Variants in SGIP1 observed in about 807,000 individuals in gnomAD.
SGIP1 encodes SH3-containing GRB2-like protein 3-interacting protein 1.
In SGIP1, 38 loss-of-function variants were observed where a neutral mutation model predicts 107.5. The observed-to-expected ratio is 0.35, with a 90% CI of 0.27 to 0.46. The LOEUF (loss-of-function observed/expected upper bound fraction) is 0.46. Ranked by LOEUF, SGIP1 falls within the 20% of genes least tolerant of loss-of-function variation. The pLI, the probability that SGIP1 is intolerant of heterozygous loss-of-function variation, is 1.00. For missense variants in SGIP1, 929 were observed against 1,019.5 expected (o/e 0.91, Z 1.21); for synonymous variants, 365 against 366.1 (o/e 1.00, Z 0.03).
intron 7 of SGIP1, among the ~76,000 whole-genome samples, chr1:66,658,277 G>A (rs1220423996): frequency 6.6e-6 from 1 of 152,154 alleles, no homozygotes; most frequent in African/African-American, 2.4e-5. Context: ...ATTAGTTTTT[G>A]CTCTAGGAGA....
intron 24 of SGIP1, among the ~76,000 whole-genome samples, chr1:66,742,538 C>G (rs763856421): frequency 1.6e-5 from 2 of 127,042 alleles, no homozygotes; most frequent in African/African-American, 6.2e-5. Flanking sequence ...GGCGCTATCC[C>G]GGCTCACTGC....
At position 66,682,314 on chromosome 1, in the gene SGIP1, G is replaced by T; in HGVS notation, c.1260G>T (p.Arg420Ser). Residue 420 changes from arginine (R) to serine (S), a missense_variant, in exon 15 of 25, where the codon AGG (arginine) becomes AGT (serine). Transcript: ENST00000371037. ...CTCCCCCACCACCACCCACCTACAG[G>T]ACTGTGGTTTCGTCCCCCGGACCTG... Reference protein sequence around the residue: ...TPPPPPPPTYRTVVSSPGPGS... With the variant: ...TPPPPPPPTYSTVVSSPGPGS... 1.2e-6 allele frequency: 2 copies of T among 1,614,186 alleles called. No homozygotes were observed. The highest frequency in any genetic ancestry group is 2.2e-5 in the East Asian group (1 of 44,870).
chr1:66,660,829 C>A (rs1344305235), intron 8 of SGIP1, among the ~76,000 whole-genome samples: 1 of 152,146 alleles, frequency 6.6e-6, no homozygotes, highest in South Asian at 2.1e-4. Context: ...ATTGCAGTTT[C>A]CACTGGAATT....
rs139654676 is a variant in SGIP1 at position 66,719,039 on chromosome 1, C to A, written c.1631-255C>A. Among the ~76,000 whole-genome samples the A allele has an allele frequency of 3.2e-4, 49 of 152,134 alleles. No homozygotes were observed. The East Asian group carries it at 9.5e-3, about 29-fold the overall frequency. ...ATTTGAAAACCCCTGTGACTTTGTTCTGCTTGGATTTTCTTCTCTGTAGCA... is the reference window on the plus strand; with the variant it reads ...ATTTGAAAACCCCTGTGACTTTGTTATGCTTGGATTTTCTTCTCTGTAGCA... On this transcript the variant is annotated intron_variant, in intron 18 of 24. Transcript: ENST00000371037.
At chr1:66,692,402 G>A (rs1269448164) in intron 17 of SGIP1, among the ~76,000 whole-genome samples, 2 of 152,104 alleles carry the variant, frequency 1.3e-5, no homozygotes, top group Non-Finnish European at 2.9e-5. Flanking sequence ...ATTTTGTTAT[G>A]TTTATTTGGT....
At chr1:66,689,002 A>T in intron 15 of SGIP1, 146 bp from the exon 16 acceptor site, 1 of 835,044 alleles carries the variant, frequency 1.2e-6, no homozygotes, top group Non-Finnish European at 1.7e-6. Flanking sequence ...GAAAAAAAAG[A>T]GAAAAAAGAA....
At chr1:66,668,669 CA>C (rs2083125124) in intron 9 of SGIP1, among the ~76,000 whole-genome samples, 1 of 152,220 alleles carries the variant, frequency 6.6e-6, no homozygotes, top group Non-Finnish European at 1.5e-5. Flanking sequence ...TACCCTGCCC[CA>C]GGTGACCAGT....
chr1:66,750,881 C>T lies in SGIP1; in HGVS notation c.*7786C>T, dbSNP rs979051833. On this transcript the variant is annotated 3_prime_UTR_variant, in exon 25 of 25. Coordinates refer to ENST00000371037, the MANE Select transcript of SGIP1 (RefSeq NM_032291.4). Reference sequence around the variant, plus strand: ...TAATCATGAGACCATCTTAACATTACTTGCCTTATAAGTTAGAAATAGTAT... The same window carrying T: ...TAATCATGAGACCATCTTAACATTATTTGCCTTATAAGTTAGAAATAGTAT... Among the ~76,000 whole-genome samples, 1 of 152,212 alleles carries T rather than the reference C, an allele frequency of 6.6e-6. No individual in the cohort carries two copies. The highest frequency in any genetic ancestry group is 1.5e-5 in the Non-Finnish European group (1 of 68,034).
At chr1:66,700,358 G>A (rs1006997706) in intron 18 of SGIP1, among the ~76,000 whole-genome samples, 15 of 130,282 alleles carry the variant, frequency 1.2e-4, no homozygotes, top group Non-Finnish European at 2.3e-4. Context: ...GTGACAGGGT[G>A]AGACTCCATC....
At chr1:66,695,844 C>G (rs1374834619) in intron 18 of SGIP1, among the ~76,000 whole-genome samples, 1 of 152,146 alleles carries the variant, frequency 6.6e-6, no homozygotes, top group Non-Finnish European at 1.5e-5. Context: ...TTTGCAAATG[C>G]AGTGCAACAA....
At chr1:66,716,192 C>G (rs1438068277) in intron 18 of SGIP1, among the ~76,000 whole-genome samples, 1 of 152,068 alleles carries the variant, frequency 6.6e-6, no homozygotes, top group East Asian at 1.9e-4. Flanking sequence ...CACCAAAGAG[C>G]CCAGACTAGG....
At position 66,617,743 on chromosome 1, in the gene SGIP1, T is replaced by C. The variant is rs547857514; in HGVS notation, c.11-8104T>C. ...ATTTATGGGGTCCCTTTATGTTCAC[T>C]GGGCAGTATATAAAGATTTAAACAT... On this transcript the variant is annotated intron_variant, in intron 1 of 24. Coordinates refer to ENST00000371037, the MANE Select transcript of SGIP1 (RefSeq NM_032291.4). 3.3e-5 allele frequency among the ~76,000 whole-genome samples: 5 copies of C among 152,340 alleles called. No homozygotes were observed. The South Asian group carries it at 1.0e-3, about 32-fold the overall frequency.
At chr1:66,697,691 G>A (rs2091191350) in intron 18 of SGIP1, among the ~76,000 whole-genome samples, 1 of 152,156 alleles carries the variant, frequency 6.6e-6, no homozygotes, top group African/African-American at 2.4e-5. Flanking sequence ...CATCATGTAT[G>A]TACGCTAGAC....
chr1:66,570,160 T>C (rs543634633), intron 1 of SGIP1, among the ~76,000 whole-genome samples: 1 of 152,032 alleles, frequency 6.6e-6, no homozygotes, highest in East Asian at 1.9e-4. Context: ...ATTGATCTTT[T>C]CAATAAAACA....
At chr1:66,569,921 TTGTC>T (rs1379041799) in intron 1 of SGIP1, among the ~76,000 whole-genome samples, 8 of 151,832 alleles carry the variant, frequency 5.3e-5, no homozygotes, top group Admixed American at 3.9e-4. Context: ...CTTATTCAAA[TTGTC>T]TGTTTCTTCT....
chr1:66,587,330 G>A (rs1488908373), intron 1 of SGIP1, among the ~76,000 whole-genome samples: 1 of 151,262 alleles, frequency 6.6e-6, no homozygotes, highest in African/African-American at 2.4e-5. Context: ...TAACTATTTT[G>A]TTATAGTCTC....
intron 1 of SGIP1, among the ~76,000 whole-genome samples, chr1:66,559,092 TG>T (rs2058581112): frequency 1.3e-5 from 2 of 152,120 alleles, no homozygotes; most frequent in Admixed American, 1.3e-4. Flanking sequence ...CCCTTTCTCC[TG>T]CTTCCCTTCC....
intron 1 of SGIP1, among the ~76,000 whole-genome samples, chr1:66,624,862 A>C (rs60482831): frequency 0.23 from 35,754 of 152,172 alleles, 4,938 homozygotes; most frequent in African/African-American, 0.38. Flanking sequence ...CATGTGAGGG[A>C]TGGGAAACAC....
chr1:66,626,564 C>T (rs1054571007), intron 2 of SGIP1, among the ~76,000 whole-genome samples: 2 of 152,200 alleles, frequency 1.3e-5, no homozygotes, highest in East Asian at 1.9e-4. Context: ...TTTCATTCCA[C>T]AAACTTCCTT....
Sources: gnomAD v4.1 joint callset for allele counts (sites outside exome capture counted in the v4.1 genomes callset) on GRCh38, gnomAD v4.1.1 for gene constraint, MANE v1.5 for transcripts, NCBI Gene and HGNC (gene_info 2026-07-23, HGNC 2026-07-21) for gene names.